The following SHISA5 variants were observed in gnomAD, a reference collection of about 807,000 sequenced individuals.
The protein encoded by SHISA5 is protein shisa-5.
A neutral mutation model predicts 27.5 loss-of-function variants in SHISA5; 21 were observed. That is an observed-to-expected ratio of 0.76 (90% confidence interval 0.54 to 1.10). The LOEUF (loss-of-function observed/expected upper bound fraction) is 1.10, where lower values mean the gene tolerates loss of function less well. SHISA5 is among the 50% of genes least tolerant of loss of function. The probability of loss-of-function intolerance (pLI) is 0.00; values close to 1 mark genes in which losing one functional copy is unlikely to be tolerated. For missense variants in SHISA5, 314 were observed against 336.3 expected (o/e 0.93, Z 0.52); for synonymous variants, 137 against 142.2 (o/e 0.96, Z 0.26).
At chr3:48,487,692 C>A (rs998459515) in intron 2 of SHISA5, among the ~76,000 whole-genome samples, 3 of 152,124 alleles carry the variant, frequency 2.0e-5, no homozygotes, top group African/African-American at 7.2e-5. Flanking sequence ...GTAAGGAGTT[C>A]AAGGCCAGCC....
At position 48,491,135 on chromosome 3, in the gene SHISA5, T is replaced by C. The variant is rs570044649; in HGVS notation, c.233+10002A>G. Among the ~76,000 whole-genome samples, 8 of 151,026 alleles carry C rather than the reference T, an allele frequency of 5.3e-5. 1 individual carries two copies. In the South Asian group the frequency reaches 1.5e-3, roughly 28 times the overall value. On this transcript the variant is annotated intron_variant, in intron 2 of 5. Coordinates refer to ENST00000296444, the MANE Select transcript of SHISA5 (RefSeq NM_016479.6). Reference sequence around the variant, plus strand: ...AAACCAATGTATTTCTTCTTTTTTTTTGAGATGGAGTCTCGCTCTGTCGCC... The same window carrying C: ...AAACCAATGTATTTCTTCTTTTTTTCTGAGATGGAGTCTCGCTCTGTCGCC...
chr3:48,492,757 GGTAA>G (rs1301869995), intron 2 of SHISA5, among the ~76,000 whole-genome samples: 1 of 147,616 alleles, frequency 6.8e-6, no homozygotes, highest in Non-Finnish European at 1.5e-5. Flanking sequence ...CAGGATTTAT[GGTAA>G]GTATGTGAAA....
chr3:48,491,043 C>G lies in SHISA5; in HGVS notation c.233+10094G>C, dbSNP rs183740444. Among the ~76,000 whole-genome samples, 522 of 152,266 alleles carry G rather than the reference C, an allele frequency of 3.4e-3. 2 individuals carry two copies. The highest frequency in any genetic ancestry group is 0.012 in the African/African-American group (502 of 41,530). On this transcript the variant is annotated intron_variant, in intron 2 of 5. Coordinates refer to ENST00000296444, the MANE Select transcript of SHISA5 (RefSeq NM_016479.6). ...GTCAAACAGAAAACGTTTAAATTCA[C>G]TTATAGGCTAGAAGCTCCCCACCCT...
chr3:48,503,785 C>T (rs1337623826), intron 1 of SHISA5: 3 of 1,254,112 alleles, frequency 2.4e-6, no homozygotes, highest in Non-Finnish European at 3.0e-6. Flanking sequence ...CCCACCGTTC[C>T]AGGACAGACA....
intron 2 of SHISA5, among the ~76,000 whole-genome samples, chr3:48,493,523 C>CTTTT (rs1195281041): frequency 5.9e-5 from 3 of 50,422 alleles, no homozygotes; most frequent in Non-Finnish European, 6.3e-5. Context: ...ATGATCTATT[C>CTTTT]TTTTTTTTTT....
chr3:48,483,601 C>G (rs55748512), intron 2 of SHISA5, among the ~76,000 whole-genome samples: 110,132 of 151,728 alleles, frequency 0.73, 41,164 homozygotes, highest in African/African-American at 0.92. Flanking sequence ...ATGAGCTGTT[C>G]GGTACACCTC....
At chr3:48,484,563 C>A (rs2041135951) in intron 2 of SHISA5, among the ~76,000 whole-genome samples, 1 of 149,370 alleles carries the variant, frequency 6.7e-6, no homozygotes. Flanking sequence ...GCTACTCCAG[C>A]CTGGGCGACA....
intron 2 of SHISA5, among the ~76,000 whole-genome samples, chr3:48,484,243 C>T (rs1011394516): frequency 6.6e-6 from 1 of 152,118 alleles, no homozygotes; most frequent in South Asian, 2.1e-4. Flanking sequence ...GCGTTATAAA[C>T]AATTATACCC....
intron 3 of SHISA5, 21 bp downstream of exon 3, chr3:48,479,156 C>G: frequency 6.3e-7 from 1 of 1,594,820 alleles, no homozygotes; most frequent in Non-Finnish European, 8.5e-7. Context: ...AAGATGCACC[C>G]AGCCAGCAGG....
chr3:48,480,230 A>AAAC (rs545845487), intron 2 of SHISA5, among the ~76,000 whole-genome samples: 31 of 151,870 alleles, frequency 2.0e-4, no homozygotes, highest in Non-Finnish European at 2.8e-4. Context: ...AAAAGTACTA[A>AAAC]AACAACAACA....
Position 48,470,752 on chromosome 3 carries a change from C to T in SHISA5, c.315-909G>A, listed in dbSNP as rs2040579543. On this transcript the variant is annotated intron_variant, in intron 3 of 5. Coordinates refer to ENST00000296444, the MANE Select transcript of SHISA5 (RefSeq NM_016479.6). This position sits in a 1 kb window ranked among gnomAD's most constrained non-coding sequence, Gnocchi z 4.3. ...GACCAGCCTGGCCAACATGGTGAAA[C>T]CCTGTCTCTACTAAAAATACAAAAA... is the stretch of plus-strand genomic sequence containing the variant. 6.6e-6 allele frequency among the ~76,000 whole-genome samples: 1 copy of T among 152,136 alleles called. No homozygotes were observed. Among genetic ancestry groups the T allele is most frequent in the African/African-American group, 2.4e-5 (1 of 41,434 alleles).
At position 48,504,072 on chromosome 3, in the gene SHISA5, G is replaced by T. The variant is rs1415224765; in HGVS notation, c.23C>A (p.Pro8Gln). 4 of 1,416,096 alleles carry T rather than the reference G, an allele frequency of 2.8e-6. No homozygotes were observed. In the South Asian group the frequency reaches 4.4e-5, roughly 15 times the overall value. The allele number at this position is 1,416,096 out of a possible 1,614,324, so 87.7% of individuals were successfully genotyped here. The change falls in exon 1 of 6, where the codon CCG (proline) becomes CAG (glutamine). Residue 8 changes from proline to glutamine, a missense_variant. By Grantham distance (76) the Pro-to-Gln change is moderately conservative (BLOSUM62 -1). Coordinates refer to ENST00000296444, the MANE Select transcript of SHISA5 (RefSeq NM_016479.6). The surrounding 1 kb of genome is among the most constrained non-coding windows in gnomAD (Gnocchi z 4.0). The part of the protein sequence containing the change: MTAPVPA[P>Q]RILLPLLLLL... ...CAACAGCAACGGCAACAGGATCCGC[G>T]GCGCGGGGACCGGCGCAGTCATGGC... is the stretch of plus-strand genomic sequence containing the variant.
At chr3:48,498,689 G>GA (rs11294310) in intron 2 of SHISA5, among the ~76,000 whole-genome samples, 1,102 of 80,716 alleles carry the variant, frequency 0.014, 6 homozygotes, top group Non-Finnish European at 0.023. Context: ...TCTCCAGAAA[G>GA]AAAAAAAAAA....
At chr3:48,503,946 C>T (rs767463529) in intron 1 of SHISA5, 73 bp downstream of exon 1, 10 of 1,410,404 alleles carry the variant, frequency 7.1e-6, no homozygotes, top group Middle Eastern at 1.9e-4. Flanking sequence ...CTGCCCGGCT[C>T]GTTGGAGAGG....
Position 48,469,732 on chromosome 3 carries a change from T to C in SHISA5, c.426A>G (p.Pro142=). ...CCCLYKTCRR[P]RPVVTTTTST... ...GGGCAGGGTGGGCACGCTTACGACG[T>C]GGTCGGCGGCACGTCTTGTAAAGGC... is the stretch of plus-strand genomic sequence containing the variant. The change falls in exon 4 of 6, where the codon CCA becomes CCG. Residue 142 remains proline, a synonymous_variant. Coordinates refer to ENST00000296444, the MANE Select transcript of SHISA5 (RefSeq NM_016479.6). This position sits in a 1 kb window ranked among gnomAD's most constrained non-coding sequence, Gnocchi z 4.6. 1.2e-6 allele frequency: 2 copies of C among 1,613,994 alleles called. No individual in the cohort carries two copies. Among genetic ancestry groups the C allele is most frequent in the South Asian group, 2.2e-5 (2 of 91,072 alleles).
chr3:48,496,858 G>A (rs1264195101), intron 2 of SHISA5, among the ~76,000 whole-genome samples: 1 of 151,792 alleles, frequency 6.6e-6, no homozygotes, highest in Non-Finnish European at 1.5e-5. Flanking sequence ...AAAATTGAGA[G>A]AGAAGGAAAG....
In SHISA5 at chr3:48,473,248, C is replaced by T. The variant is rs1011182260; in HGVS notation, c.315-3405G>A. On this transcript the variant is annotated intron_variant, in intron 3 of 5. Coordinates refer to ENST00000296444, the MANE Select transcript of SHISA5 (RefSeq NM_016479.6). The surrounding 1 kb of genome is among the most constrained non-coding windows in gnomAD (Gnocchi z 4.3). The stretch of plus-strand genomic sequence containing the variant: ...AGCCAAGGAGCCAAGGGGCGGGGGC[C>T]GGGGAGGAGGGGAAGCAGAGGTGCC... 2.1e-6 allele frequency: 3 copies of T among 1,421,490 alleles called. No individual in the cohort carries two copies. Among genetic ancestry groups the T allele is most frequent in the South Asian group, 1.5e-5 (1 of 67,454 alleles). 88.1% of individuals were successfully genotyped at this position (1,421,490 alleles called of 1,614,324 possible). A position where few individuals can be genotyped will look rare whatever the true frequency, so the allele number is the denominator to read the frequency against.
intron 2 of SHISA5, among the ~76,000 whole-genome samples, chr3:48,486,416 ATATAT>A (rs1351943364): frequency 1.0e-5 from 1 of 96,726 alleles, no homozygotes; most frequent in African/African-American, 4.7e-5. Flanking sequence ...AATATATATT[ATATAT>A]TATATATTTT....
At chr3:48,486,412 T>C (rs1441284808) in intron 2 of SHISA5, among the ~76,000 whole-genome samples, 1 of 96,416 alleles carries the variant, frequency 1.0e-5, no homozygotes, top group Admixed American at 1.7e-4. Context: ...ATATAATATA[T>C]ATTATATATT....
Sources: allele counts gnomAD v4.1 joint callset (sites outside exome capture counted in the v4.1 genomes callset), GRCh38; gene constraint gnomAD v4.1.1; non-coding constraint Gnocchi (gnomAD v3.1); transcripts MANE v1.5; gene names NCBI Gene and HGNC (gene_info 2026-07-23, HGNC 2026-07-21).